CFI: variants seen among roughly 807,000 people sequenced by gnomAD.
The protein encoded by CFI is C3B/C4B inactivator.
A neutral mutation model predicts 78.8 loss-of-function variants in CFI; 66 were observed. That is an observed-to-expected ratio of 0.84 (90% CI 0.69 to 1.03). The LOEUF (loss-of-function observed/expected upper bound fraction) is 1.03, where lower values mean the gene tolerates loss of function less well. Among genes scored for constraint, CFI ranks in the 50% least tolerant of loss-of-function variants. The pLI is 0.00. For synonymous variants in CFI, 250 were observed against 232.6 expected (o/e 1.07, Z -0.68); for missense variants, 706 against 704.5 (o/e 1.00, Z -0.02).
intron 1 of CFI, among the ~76,000 whole-genome samples, chr4:109,774,036 T>G (rs1217896915): frequency 6.6e-6 from 1 of 152,188 alleles, no homozygotes; most frequent in Non-Finnish European, 1.5e-5. Flanking sequence ...TATCAGAAAT[T>G]TTATTGATTT....
intron 1 of CFI, among the ~76,000 whole-genome samples, chr4:109,791,233 C>T (rs939805245): frequency 3.3e-5 from 5 of 152,012 alleles, no homozygotes; most frequent in Non-Finnish European, 7.4e-5. Context: ...ATTGCTGCTG[C>T]ATATAAGTCT....
At chr4:109,787,572 A>G (rs911974230) in intron 1 of CFI, among the ~76,000 whole-genome samples, 2 of 152,078 alleles carry the variant, frequency 1.3e-5, no homozygotes, top group Admixed American at 6.6e-5. Context: ...TCCAATTCAC[A>G]TAAGAAATTT....
chr4:109,758,153 C>T (rs1022603165), intron 6 of CFI, among the ~76,000 whole-genome samples: 1 of 151,594 alleles, frequency 6.6e-6, no homozygotes, highest in African/African-American at 2.4e-5. Flanking sequence ...GTTTTTGAAA[C>T]AGATTTTAAA....
At chr4:109,778,374 A>C (rs1729555710) in intron 1 of CFI, among the ~76,000 whole-genome samples, 1 of 152,218 alleles carries the variant, frequency 6.6e-6, no homozygotes, top group Admixed American at 6.5e-5. Context: ...TAAACTAGAA[A>C]ATCTAGAAGA....
intron 7 of CFI, among the ~76,000 whole-genome samples, chr4:109,755,946 A>G (rs1726077314): frequency 6.6e-6 from 1 of 152,198 alleles, no homozygotes; most frequent in Non-Finnish European, 1.5e-5. Context: ...AGTTAGAAGC[A>G]ACAAATTAGA....
chr4:109,783,742 C>A (rs1730357495), intron 1 of CFI, among the ~76,000 whole-genome samples: 2 of 150,116 alleles, frequency 1.3e-5, no homozygotes, highest in Admixed American at 1.3e-4. Context: ...TATGGCCGCA[C>A]AATTTACAAT....
intron 1 of CFI, among the ~76,000 whole-genome samples, chr4:109,779,479 A>G (rs2125842017): frequency 6.6e-6 from 1 of 152,320 alleles, no homozygotes; most frequent in East Asian, 1.9e-4. Context: ...CAACGAAATA[A>G]AAGAGGACAA....
rs1227429841 is a variant in CFI, at chr4:109,761,540, A to G, written c.635T>C (p.Val212Ala). 1 of 1,614,166 alleles carries G rather than the reference A, an allele frequency of 6.2e-7. No homozygotes were observed. Among genetic ancestry groups the G allele is most frequent in the South Asian group, 1.1e-5 (1 of 91,088 alleles). Residue 212 changes from valine (V) to alanine (A), a missense_variant, in exon 4 of 13, where the codon GTG becomes GCG. Coordinates refer to ENST00000394634, the MANE Select transcript of CFI (RefSeq NM_000204.5). ...RTMGYQDFAD[V>A]VCYTQKADSP... The stretch of plus-strand genomic sequence containing the variant: ...ACCTGCTTTCTGTGTATAACAAACC[A>G]CATCAGCGAAATCCTGGTAACCCAT...
At chr4:109,766,377 C>G (rs1206677142) in intron 2 of CFI, among the ~76,000 whole-genome samples, 177 bp downstream of exon 2, 1 of 152,184 alleles carries the variant, frequency 6.6e-6, no homozygotes, top group African/African-American at 2.4e-5. Flanking sequence ...CAAAGGCTGG[C>G]TGGATTCTGG....
chr4:109,767,179 T>A (rs1348385086), intron 1 of CFI, among the ~76,000 whole-genome samples: 1 of 152,106 alleles, frequency 6.6e-6, no homozygotes, highest in Non-Finnish European at 1.5e-5. Flanking sequence ...ATAAAAACCC[T>A]AGAAGAAAAC....
intron 3 of CFI, among the ~76,000 whole-genome samples, chr4:109,763,199 G>A (rs1727301293): frequency 6.6e-6 from 1 of 152,042 alleles, no homozygotes; most frequent in African/African-American, 2.4e-5. Context: ...ATTAACTTCT[G>A]GGATATAGAA....
chr4:109,778,332 A>T lies in CFI; in HGVS notation c.58-11508T>A, dbSNP rs543270602. 4.4e-3 allele frequency among the ~76,000 whole-genome samples: 668 copies of T among 152,360 alleles called. 5 individuals carry two copies. The highest frequency in any genetic ancestry group is 0.015 in the African/African-American group (628 of 41,592). On this transcript the variant is annotated intron_variant, in intron 1 of 12. Transcript: ENST00000394634. ...CGATCCCACAGAAATACAAACTACC[A>T]TCAGAGAATACTATAAACACCTCTA...
intron 11 of CFI, among the ~76,000 whole-genome samples, chr4:109,744,934 C>T (rs1474938162): frequency 6.6e-6 from 1 of 152,146 alleles, no homozygotes; most frequent in Admixed American, 6.5e-5. Context: ...GGACACAATA[C>T]TCTCTTGATG....
chr4:109,768,321 C>A (rs1250534620), intron 1 of CFI, among the ~76,000 whole-genome samples: 2 of 127,660 alleles, frequency 1.6e-5, no homozygotes, highest in Non-Finnish European at 3.3e-5. Context: ...CCATCTTGAC[C>A]ATGAAGAAAT....
chr4:109,753,687 T>TCTA (rs1725690613), intron 7 of CFI, among the ~76,000 whole-genome samples: 1 of 112,736 alleles, frequency 8.9e-6, no homozygotes, highest in African/African-American at 3.7e-5. Flanking sequence ...TTATATATTA[T>TCTA]ATAATGTATA....
At chr4:109,790,919 G>A (rs1269015839) in intron 1 of CFI, among the ~76,000 whole-genome samples, 1 of 152,172 alleles carries the variant, frequency 6.6e-6, no homozygotes, top group Non-Finnish European at 1.5e-5. Context: ...ATGTGTGCAT[G>A]TGTCTTTATG....
intron 7 of CFI, among the ~76,000 whole-genome samples, chr4:109,756,567 G>C (rs2126206663): frequency 6.6e-6 from 1 of 152,020 alleles, no homozygotes; most frequent in Non-Finnish European, 1.5e-5. Context: ...CAGTCCCTCA[G>C]GAATCCTAAG....
intron 8 of CFI, among the ~76,000 whole-genome samples, chr4:109,751,629 T>A (rs62324894): frequency 0.24 from 35,962 of 151,684 alleles, 4,487 homozygotes; most frequent in Middle Eastern, 0.34. Flanking sequence ...TTTGTAGAGA[T>A]GGGGTTTCAC....
At chr4:109,744,494 G>C (rs1373090227) in intron 11 of CFI, among the ~76,000 whole-genome samples, 1 of 152,174 alleles carries the variant, frequency 6.6e-6, no homozygotes, top group Non-Finnish European at 1.5e-5. Flanking sequence ...GCAGGAGGGA[G>C]GGAAGGAAAG....
Sources: allele counts gnomAD v4.1 joint callset (sites outside exome capture counted in the v4.1 genomes callset), GRCh38; gene constraint gnomAD v4.1.1; transcripts MANE v1.5; gene names NCBI Gene and HGNC (gene_info 2026-07-23, HGNC 2026-07-21).